CDC73: variants seen among roughly 807,000 people sequenced by gnomAD.
The protein encoded by CDC73 is parafibromin.
Under a neutral mutation model 83.7 loss-of-function variants are expected in CDC73, and 21 were observed. The ratio of observed to expected loss-of-function variants is 0.25; its 90% CI spans 0.18 to 0.36. The LOEUF is 0.36. Ranked by LOEUF, CDC73 falls within the 10% of genes least tolerant of loss-of-function variation. The probability of loss-of-function intolerance (pLI) is 1.00; values close to 1 mark genes in which losing one functional copy is unlikely to be tolerated. For synonymous variants in CDC73, 224 were observed against 212.9 expected (o/e 1.05, Z -0.45); for missense variants, 342 against 653.3 (o/e 0.52, Z 5.19).
chr1:193,127,201 G>C (rs1262885650), intron 2 of CDC73, among the ~76,000 whole-genome samples: 1 of 151,910 alleles, frequency 6.6e-6, no homozygotes, highest in African/African-American at 2.4e-5. Flanking sequence ...TTGGGCCCAG[G>C]AGGTTGAGGC....
intron 2 of CDC73, among the ~76,000 whole-genome samples, chr1:193,129,727 G>A (rs1436336589): frequency 4.6e-5 from 7 of 151,650 alleles, no homozygotes; most frequent in Non-Finnish European, 1.0e-4. Flanking sequence ...TGGCCAGGCT[G>A]GTCTTTAACT....
At chr1:193,226,335 T>C (rs1172955807) in intron 13 of CDC73, among the ~76,000 whole-genome samples, 3 of 152,192 alleles carry the variant, frequency 2.0e-5, no homozygotes, top group Non-Finnish European at 2.9e-5. Flanking sequence ...TTTTGGTGAC[T>C]GTGTCCTTAT....
chr1:193,135,763 C>T (rs1244412904), intron 5 of CDC73, among the ~76,000 whole-genome samples, 174 bp downstream of exon 5: 1 of 152,002 alleles, frequency 6.6e-6, no homozygotes, highest in African/African-American at 2.4e-5. Context: ...TTAGCTCTCT[C>T]ACATGCAAGC....
intron 12 of CDC73, 127 bp from the exon 13 acceptor site, chr1:193,212,263 C>T (rs1170281337): frequency 1.2e-6 from 1 of 844,988 alleles, no homozygotes. Flanking sequence ...TTTTTAATAT[C>T]CACTGGCTTA....
intron 10 of CDC73, among the ~76,000 whole-genome samples, chr1:193,162,305 ATATAT>A (rs1558293658): frequency 3.1e-5 from 4 of 128,494 alleles, no homozygotes; most frequent in Non-Finnish European, 6.3e-5. Flanking sequence ...TATATATACT[ATATAT>A]TATATATCAT....
chr1:193,127,288 A>AGTGT (rs747114430), intron 2 of CDC73, among the ~76,000 whole-genome samples: 25 of 68,150 alleles, frequency 3.7e-4, no homozygotes, highest in African/African-American at 1.7e-4. Context: ...AAAAAAAAAA[A>AGTGT]ATGTGTGTGT....
At chr1:193,184,692 A>G (rs545458414) in intron 10 of CDC73, among the ~76,000 whole-genome samples, 8 of 152,052 alleles carry the variant, frequency 5.3e-5, no homozygotes, top group African/African-American at 4.8e-5. Context: ...GGTGACTTCA[A>G]TATTGAGAGA....
At chr1:193,187,425 T>G (rs1676833471) in intron 10 of CDC73, among the ~76,000 whole-genome samples, 1 of 152,210 alleles carries the variant, frequency 6.6e-6, no homozygotes, top group African/African-American at 2.4e-5. Flanking sequence ...TAACTTGCCA[T>G]GAGGCAGATT....
intron 13 of CDC73, among the ~76,000 whole-genome samples, chr1:193,224,332 G>T (rs971135433): frequency 2.1e-5 from 2 of 97,324 alleles, no homozygotes; most frequent in Non-Finnish European, 4.4e-5. Flanking sequence ...CAATGCCATT[G>T]TTCCATGTAT....
intron 10 of CDC73, among the ~76,000 whole-genome samples, chr1:193,162,179 T>C (rs1157821866): frequency 5.0e-4 from 51 of 101,210 alleles, no homozygotes; most frequent in African/African-American, 6.2e-4. Context: ...TAATATATAT[T>C]ATATATTATC....
At chr1:193,139,361 G>A (rs1017367943) in intron 6 of CDC73, among the ~76,000 whole-genome samples, 9 of 151,048 alleles carry the variant, frequency 6.0e-5, no homozygotes, top group African/African-American at 1.9e-4. Context: ...CTGCCTCCCG[G>A]GTTCAAGTGA....
intron 10 of CDC73, among the ~76,000 whole-genome samples, chr1:193,167,270 A>G (rs747637598): frequency 6.6e-6 from 1 of 152,188 alleles, no homozygotes; most frequent in African/African-American, 2.4e-5. Context: ...GTACTTCATT[A>G]GTGTTTTCTG....
At chr1:193,127,797 C>T in intron 2 of CDC73, 1 of 145,284 alleles carries the variant, frequency 6.9e-6, no homozygotes, top group Admixed American at 6.9e-5. Flanking sequence ...GTTATTTGCT[C>T]TTTCCTGTGC....
chr1:193,150,890 T>C (rs1676092958), intron 9 of CDC73, among the ~76,000 whole-genome samples: 1 of 152,256 alleles, frequency 6.6e-6, no homozygotes, highest in South Asian at 2.1e-4. Flanking sequence ...GATATGTAAG[T>C]AAATTATCTA....
chr1:193,217,333 CAA>C (rs1474576726), intron 13 of CDC73, among the ~76,000 whole-genome samples: 2 of 152,162 alleles, frequency 1.3e-5, no homozygotes, highest in Non-Finnish European at 2.9e-5. Flanking sequence ...ATCACAAGGA[CAA>C]GATACTCTGC....
At chr1:193,227,191 A>G (rs546771763) in intron 13 of CDC73, among the ~76,000 whole-genome samples, 8 of 151,458 alleles carry the variant, frequency 5.3e-5, no homozygotes, top group Non-Finnish European at 1.2e-4. Flanking sequence ...TTTTCAAAGA[A>G]CCAGCTTTTT....
At chr1:193,218,672 A>T (rs1231290308) in intron 13 of CDC73, among the ~76,000 whole-genome samples, 1 of 152,164 alleles carries the variant, frequency 6.6e-6, no homozygotes, top group Non-Finnish European at 1.5e-5. Context: ...GAAAGTGCTC[A>T]TTATTCAGTG....
chr1:193,231,829 G>C (rs1293156904), intron 13 of CDC73, among the ~76,000 whole-genome samples: 1 of 152,076 alleles, frequency 6.6e-6, no homozygotes, highest in Non-Finnish European at 1.5e-5. Context: ...AAGTTCTCCT[G>C]TGCTTTTTGG....
At chr1:193,144,352 C>T (rs1328825347) in intron 7 of CDC73, among the ~76,000 whole-genome samples, 2 of 151,834 alleles carry the variant, frequency 1.3e-5, no homozygotes, top group Non-Finnish European at 2.9e-5. Context: ...AGATGTTAAT[C>T]ACCTGTAATT....
Sources: gnomAD v4.1 joint callset for allele counts (sites outside exome capture counted in the v4.1 genomes callset) on GRCh38, gnomAD v4.1.1 for gene constraint, MANE v1.5 for transcripts, NCBI Gene and HGNC (gene_info 2026-07-23, HGNC 2026-07-21) for gene names.